NIPAL2: variants seen among roughly 807,000 people sequenced by gnomAD.
The protein encoded by NIPAL2 is NIPA-like protein 2.
In NIPAL2, 43 loss-of-function variants were observed where a neutral mutation model predicts 48.9. The ratio of observed to expected loss-of-function variants is 0.88; its 90% CI spans 0.69 to 1.13. The LOEUF is 1.13. Among genes scored for constraint, NIPAL2 ranks in the 50% most tolerant of loss-of-function variants. The pLI is 0.00. For missense variants in NIPAL2, 446 were observed against 461.4 expected, an observed-to-expected ratio of 0.97 and a Z score of 0.31; for synonymous variants, 167 against 174.6, an observed-to-expected ratio of 0.96 and a Z score of 0.34.
At chr8:98,205,284 T>C in intron 6 of NIPAL2, 38 bp from the exon 7 acceptor site, 2 of 1,563,920 alleles carry the variant, frequency 1.3e-6, no homozygotes, top group South Asian at 2.3e-5. Flanking sequence ...AAAGAACATA[T>C]TTCAGATTGA....
chr8:98,289,717 T>A (rs1816392292), intron 1 of NIPAL2, among the ~76,000 whole-genome samples: 1 of 151,934 alleles, frequency 6.6e-6, no homozygotes, highest in Non-Finnish European at 1.5e-5. Context: ...ATTGGATACA[T>A]AAGGAAGGGA....
At chr8:98,229,450 G>A (rs538253138) in intron 4 of NIPAL2, among the ~76,000 whole-genome samples, 8 of 152,304 alleles carry the variant, frequency 5.3e-5, no homozygotes, top group African/African-American at 1.9e-4. Context: ...ATAGCTCACT[G>A]CAGCCTCGAA....
chr8:98,208,533 C>G (rs1360141735), intron 6 of NIPAL2, among the ~76,000 whole-genome samples: 4 of 152,100 alleles, frequency 2.6e-5, no homozygotes, highest in African/African-American at 9.7e-5. Flanking sequence ...ACTGCAATCT[C>G]CACCTCGTGG....
intron 1 of NIPAL2, among the ~76,000 whole-genome samples, chr8:98,267,209 T>C (rs759262356): frequency 2.0e-5 from 3 of 152,218 alleles, no homozygotes; most frequent in African/African-American, 4.8e-5. Flanking sequence ...AACTACCAAT[T>C]ATAATTTTTT....
chr8:98,209,710 C>G (rs1811220162), intron 6 of NIPAL2, among the ~76,000 whole-genome samples: 2 of 151,676 alleles, frequency 1.3e-5, no homozygotes, highest in Non-Finnish European at 2.9e-5. Context: ...CAATATTTAG[C>G]AGTGATATTA....
chr8:98,205,051 T>G, intron 7 of NIPAL2, 60 bp downstream of exon 7: 1 of 1,562,774 alleles, frequency 6.4e-7, no homozygotes, highest in Non-Finnish European at 8.8e-7. Context: ...CAGTAAAGAT[T>G]AATGCCCAGA....
In NIPAL2 at chr8:98,270,555, C is replaced by T. The variant is rs138730442; in HGVS notation, c.136-16468G>A. Among the ~76,000 whole-genome samples, 305 of 152,048 alleles carry T rather than the reference C, an allele frequency of 2.0e-3. 3 individuals are homozygous for T. The highest frequency in any genetic ancestry group is 0.013 in the Admixed American group (204 of 15,256). On this transcript the variant is annotated intron_variant, in intron 1 of 10. Coordinates refer to ENST00000430223, the MANE Select transcript of NIPAL2 (RefSeq NM_001321635.2). ...TGGTTTTTGCTTGTTGATTTGTATA[C>T]GTTCCTTATAGATTTTGGATATTAG...
At chr8:98,247,458 G>A (rs1242755944) in intron 3 of NIPAL2, among the ~76,000 whole-genome samples, 2 of 152,098 alleles carry the variant, frequency 1.3e-5, no homozygotes, top group Admixed American at 6.5e-5. Flanking sequence ...CAGGGTTGCT[G>A]TGTGTGGTTG....
At chr8:98,289,252 G>A in intron 1 of NIPAL2, among the ~76,000 whole-genome samples, 2 of 152,144 alleles carry the variant, frequency 1.3e-5, no homozygotes, top group South Asian at 4.1e-4. Context: ...CATGTATGCT[G>A]TAATCTGGCA....
rs545099092 is a variant in NIPAL2, at chr8:98,269,443, A to C, written c.136-15356T>G. Among the ~76,000 whole-genome samples the C allele has an allele frequency of 4.6e-5, 7 of 152,324 alleles. No homozygotes were observed. In the East Asian group the frequency reaches 1.3e-3, roughly 29 times the overall value. ...GAAAACAACATTCATCTCCTTGTAC[A>C]TCTCCATAAGAGCTCTTGGGTGACC... On this transcript the variant is annotated intron_variant, in intron 1 of 10. Transcript: ENST00000430223.
chr8:98,248,823 A>G (rs1012376224), intron 3 of NIPAL2, among the ~76,000 whole-genome samples: 17 of 152,374 alleles, frequency 1.1e-4, no homozygotes, highest in African/African-American at 3.6e-4. Context: ...AAAGACTTCC[A>G]GTGAGAAAAA....
rs559845150 is a variant in NIPAL2 at position 98,212,443 on chromosome 8, T to G, written c.617A>C (p.Lys206Thr). ...LLYFYKRKGM[K>T]HMVILLTLVA... ...CAGGGTTAGCAGAATCACCATATGC[T>G]TCATTCCTTTTCTTTTATAGAAATA... The change falls in exon 6 of 11, where the codon AAG becomes ACG. Residue 206 changes from lysine (K) to threonine (T), a missense_variant. Coordinates refer to ENST00000430223, the MANE Select transcript of NIPAL2 (RefSeq NM_001321635.2). 22 of 1,588,572 alleles carry G rather than the reference T, an allele frequency of 1.4e-5. No individual in the cohort carries two copies. The Admixed American group carries it at 3.5e-4, about 25-fold the overall frequency.
chr8:98,196,088 AAT>A, intron 8 of NIPAL2, 83 bp from the exon 9 acceptor site: 2 of 855,868 alleles, frequency 2.3e-6, no homozygotes, highest in Non-Finnish European at 3.5e-6. Flanking sequence ...AAATTATGTT[AAT>A]ATGTTATTTT....
At chr8:98,276,520 T>C (rs1815475876) in intron 1 of NIPAL2, among the ~76,000 whole-genome samples, 2 of 152,172 alleles carry the variant, frequency 1.3e-5, no homozygotes, top group African/African-American at 4.8e-5. Context: ...AAAGCTGCTA[T>C]AAACATCCAT....
intron 4 of NIPAL2, among the ~76,000 whole-genome samples, chr8:98,233,292 A>G (rs1812536676): frequency 6.6e-6 from 1 of 151,868 alleles, no homozygotes; most frequent in Non-Finnish European, 1.5e-5. Context: ...TTAGCAAAGA[A>G]TCCCAAATAA....
intron 1 of NIPAL2, among the ~76,000 whole-genome samples, chr8:98,270,695 A>T (rs1209410906): frequency 6.6e-6 from 1 of 152,026 alleles, no homozygotes; most frequent in Non-Finnish European, 1.5e-5. Flanking sequence ...GAAGCTCTTT[A>T]GCTTAATTAG....
rs1811042243 is a variant in NIPAL2 at position 98,206,436 on chromosome 8, A to G, written c.656-1190T>C. Among the ~76,000 whole-genome samples the G allele has an allele frequency of 4.6e-5, 7 of 152,270 alleles. No homozygotes were observed. The South Asian group carries it at 1.4e-3, about 32-fold the overall frequency. On this transcript the variant is annotated intron_variant, in intron 6 of 10. Transcript: ENST00000430223. The stretch of plus-strand genomic sequence containing the variant: ...ATCGTTTTCCAAAAACTGAAAATAT[A>G]CTTTAACTTGAAGGGTACTAGGGCA...
At chr8:98,199,175 C>A (rs577729233) in intron 8 of NIPAL2, among the ~76,000 whole-genome samples, 18 of 152,124 alleles carry the variant, frequency 1.2e-4, no homozygotes, top group African/African-American at 4.3e-4. Flanking sequence ...AGGCTGGTCT[C>A]GAACTCCCAA....
At chr8:98,241,281 AAATG>A (rs1379030078) in intron 3 of NIPAL2, among the ~76,000 whole-genome samples, 1 of 152,254 alleles carries the variant, frequency 6.6e-6, no homozygotes, top group Non-Finnish European at 1.5e-5. Context: ...AGTAATTCAC[AAATG>A]AGAGTAGACA....
Sources: allele counts gnomAD v4.1 joint callset (sites outside exome capture counted in the v4.1 genomes callset), GRCh38; gene constraint gnomAD v4.1.1; transcripts MANE v1.5; gene names NCBI Gene and HGNC (gene_info 2026-07-23, HGNC 2026-07-21).